Variants in GOLPH3 observed in about 807,000 individuals in gnomAD.
The protein encoded by GOLPH3 is golgi phosphoprotein 3, also known as coat protein GPP34.
In GOLPH3, 14 loss-of-function variants were observed where a neutral mutation model predicts 28.5. The observed-to-expected ratio is 0.49, with a 90% confidence interval of 0.32 to 0.77. The LOEUF (loss-of-function observed/expected upper bound fraction) is 0.77. Ranked by LOEUF, GOLPH3 falls within the 30% of genes least tolerant of loss-of-function variation. The pLI, the probability that GOLPH3 is intolerant of heterozygous loss-of-function variation, is 0.03. For missense variants in GOLPH3, 350 were observed against 393.7 expected (o/e 0.89, Z 0.94); for synonymous variants, 158 against 159.2 (o/e 0.99, Z 0.06).
chr5:32,135,456 T>A lies in GOLPH3; in HGVS notation c.472+116A>T, dbSNP rs1745912310. 5 of 654,784 alleles carry A rather than the reference T, an allele frequency of 7.6e-6. No homozygotes were observed. In the East Asian group the frequency reaches 1.1e-4, roughly 14 times the overall value. 40.6% of individuals were successfully genotyped at this position (654,784 alleles called of 1,614,324 possible). On this transcript the variant is annotated intron_variant, in intron 3 of 3. Coordinates refer to ENST00000265070, the MANE Select transcript of GOLPH3 (RefSeq NM_022130.4). The stretch of plus-strand genomic sequence containing the variant: ...ACTCTATGACTGATAACTTTCAAGT[T>A]TGCCTAAATAACTAAACAAGCTTCT...
chr5:32,129,118 G>C (rs1249972792), intron 3 of GOLPH3, among the ~76,000 whole-genome samples: 2 of 152,090 alleles, frequency 1.3e-5, no homozygotes, highest in Admixed American at 6.5e-5. Flanking sequence ...GGAGGCGGAG[G>C]TTGCAGTGAG....
At chr5:32,138,470 T>C (rs1366664067) in intron 2 of GOLPH3, among the ~76,000 whole-genome samples, 1 of 152,178 alleles carries the variant, frequency 6.6e-6, no homozygotes, top group Non-Finnish European at 1.5e-5. Context: ...TGAGCCATGT[T>C]GGTGTGCTGC....
chr5:32,135,326 A>T (rs954345230), intron 3 of GOLPH3, among the ~76,000 whole-genome samples: 1 of 152,218 alleles, frequency 6.6e-6, no homozygotes, highest in Non-Finnish European at 1.5e-5. Context: ...AGCATGTGGT[A>T]ATTTTGATAA....
At chr5:32,141,571 A>T (rs1746059663) in intron 2 of GOLPH3, among the ~76,000 whole-genome samples, 2 of 111,136 alleles carry the variant, frequency 1.8e-5, no homozygotes, top group African/African-American at 5.6e-5. Flanking sequence ...TAAAAGCTGC[A>T]AATGACTCTC....
chr5:32,145,429 T>C (rs1467304585), intron 1 of GOLPH3, among the ~76,000 whole-genome samples: 2 of 152,214 alleles, frequency 1.3e-5, no homozygotes, highest in Non-Finnish European at 2.9e-5. Flanking sequence ...GTAAAATGCG[T>C]GGCTTCTGTG....
chr5:32,168,754 CAT>C (rs955261321), intron 1 of GOLPH3, among the ~76,000 whole-genome samples: 19 of 152,160 alleles, frequency 1.2e-4, no homozygotes, highest in African/African-American at 4.1e-4. Flanking sequence ...TGAAAGAAAA[CAT>C]ATGATTGGAC....
At chr5:32,131,252 G>A (rs1745819103) in intron 3 of GOLPH3, among the ~76,000 whole-genome samples, 2 of 152,348 alleles carry the variant, frequency 1.3e-5, no homozygotes, top group Admixed American at 1.3e-4. Flanking sequence ...AATAGTATTT[G>A]TGGTATAGAA....
rs1173822153 is a variant in GOLPH3 at position 32,125,661 on chromosome 5, T to A, written c.*551A>T. 1 of 152,756 alleles carries A rather than the reference T, an allele frequency of 6.5e-6. No homozygotes were observed. Among genetic ancestry groups the A allele is most frequent in the Non-Finnish European group, 1.5e-5 (1 of 68,132 alleles). 9.5% of individuals were successfully genotyped at this position (152,756 alleles called of 1,614,324 possible). On this transcript the variant is annotated 3_prime_UTR_variant, in exon 4 of 4. Transcript: ENST00000265070. ...AGTGTAATAATACAATAGATTTACATGGGAAGCAAAATCCAAGGGACATTT... is the reference window on the plus strand; with the variant it reads ...AGTGTAATAATACAATAGATTTACAAGGGAAGCAAAATCCAAGGGACATTT...
intron 2 of GOLPH3, among the ~76,000 whole-genome samples, chr5:32,142,648 T>TG (rs1295264207): frequency 2.5e-4 from 18 of 72,944 alleles, no homozygotes; most frequent in South Asian, 4.9e-4. Flanking sequence ...GGGAGGGAGG[T>TG]GGGGGGGTCA....
At chr5:32,135,758 C>T in intron 2 of GOLPH3, 72 bp from the exon 3 acceptor site, 2 of 833,880 alleles carry the variant, frequency 2.4e-6, no homozygotes, top group South Asian at 2.9e-5. Flanking sequence ...AAATGAAAAA[C>T]AAACAATTAT....
At chr5:32,148,080 G>A (rs970388695) in intron 1 of GOLPH3, among the ~76,000 whole-genome samples, 2 of 152,160 alleles carry the variant, frequency 1.3e-5, no homozygotes, top group African/African-American at 4.8e-5. Context: ...ACTGAATAAA[G>A]AGACCCAGGT....
At chr5:32,167,277 T>TCAAGCAA (rs1294882407) in intron 1 of GOLPH3, among the ~76,000 whole-genome samples, 1 of 152,164 alleles carries the variant, frequency 6.6e-6, no homozygotes, top group Non-Finnish European at 1.5e-5. Flanking sequence ...GTTCAAGTGA[T>TCAAGCAA]TCTCCTGCCT....
At chr5:32,172,603 GA>G (rs1389991262) in intron 1 of GOLPH3, among the ~76,000 whole-genome samples, 1 of 152,168 alleles carries the variant, frequency 6.6e-6, no homozygotes, top group Non-Finnish European at 1.5e-5. Flanking sequence ...GCTGAGGCAG[GA>G]AAATCGCTTG....
At chr5:32,128,264 T>G (rs1408517746) in intron 3 of GOLPH3, among the ~76,000 whole-genome samples, 2 of 152,132 alleles carry the variant, frequency 1.3e-5, no homozygotes, top group Non-Finnish European at 2.9e-5. Context: ...AAAGCCTCAC[T>G]AAAAACCAGG....
At chr5:32,146,045 A>G (rs1746173849) in intron 1 of GOLPH3, among the ~76,000 whole-genome samples, 1 of 152,132 alleles carries the variant, frequency 6.6e-6, no homozygotes, top group Non-Finnish European at 1.5e-5. Flanking sequence ...TAATCCCAGC[A>G]CTTCGGGAGG....
chr5:32,151,419 G>A (rs115034327), intron 1 of GOLPH3, among the ~76,000 whole-genome samples: 4 of 152,066 alleles, frequency 2.6e-5, no homozygotes, highest in Non-Finnish European at 4.4e-5. Flanking sequence ...CTAGCTACTC[G>A]GGAGGACTTG....
At chr5:32,155,651 C>T (rs1746403187) in intron 1 of GOLPH3, among the ~76,000 whole-genome samples, 1 of 151,976 alleles carries the variant, frequency 6.6e-6, no homozygotes, top group South Asian at 2.1e-4. Flanking sequence ...TTTGTGTCCC[C>T]CCAAAACTCT....
chr5:32,138,320 G>A (rs902267305), intron 2 of GOLPH3, among the ~76,000 whole-genome samples: 2 of 152,144 alleles, frequency 1.3e-5, no homozygotes, highest in Non-Finnish European at 2.9e-5. Context: ...CTATCTCTGT[G>A]ACATCATGAC....
At chr5:32,170,999 TATA>T (rs1436509012) in intron 1 of GOLPH3, among the ~76,000 whole-genome samples, 5 of 152,128 alleles carry the variant, frequency 3.3e-5, no homozygotes, top group East Asian at 1.9e-4. Context: ...ACTAGCAAAG[TATA>T]ATGAGTGACT....
Sources: gnomAD v4.1 joint callset for allele counts (sites outside exome capture counted in the v4.1 genomes callset) on GRCh38, gnomAD v4.1.1 for gene constraint, MANE v1.5 for transcripts, NCBI Gene and HGNC (gene_info 2026-07-23, HGNC 2026-07-21) for gene names.